MLXIP: variants seen among roughly 807,000 people sequenced by gnomAD.
MLXIP encodes the protein MLX interacting protein.
In MLXIP, 30 loss-of-function variants were observed where a neutral mutation model predicts 87.2. The observed-to-expected ratio is 0.34, with a 90% CI of 0.26 to 0.47. MLXIP has a LOEUF of 0.47. MLXIP is among the 20% of genes least tolerant of loss of function. The probability of loss-of-function intolerance (pLI) is 1.00; values close to 1 mark genes in which losing one functional copy is unlikely to be tolerated. For synonymous variants in MLXIP, 530 were observed against 514.0 expected (o/e 1.03, Z -0.42); for missense variants, 1,002 against 1,240.1 (o/e 0.81, Z 2.88).
At chr12:122,080,828 C>T (rs759935657) in intron 1 of MLXIP, among the ~76,000 whole-genome samples, 12 of 152,180 alleles carry the variant, frequency 7.9e-5, no homozygotes, top group Non-Finnish European at 1.5e-4. Flanking sequence ...TGCTATGCCT[C>T]GAGAGAGCCT....
At chr12:122,122,359 G>A (rs1308163125) in intron 1 of MLXIP, among the ~76,000 whole-genome samples, 1 of 151,970 alleles carries the variant, frequency 6.6e-6, no homozygotes, top group Non-Finnish European at 1.5e-5. Context: ...AGGCTCCCTT[G>A]TGGGCTTTGT....
chr12:122,135,872 A>G lies in MLXIP; in HGVS notation c.2032+206A>G, dbSNP rs1448382578. Reference sequence around the variant, plus strand: ...AATGTGGTGGCACTGGCAGGGCAAAAAGTAGTGAACATGTGGCAGTGTAGG... The same window carrying G: ...AATGTGGTGGCACTGGCAGGGCAAAGAGTAGTGAACATGTGGCAGTGTAGG... On this transcript the variant is annotated intron_variant, in intron 11 of 16. Transcript: ENST00000319080. The surrounding 1 kb of genome is among the most constrained non-coding windows in gnomAD (Gnocchi z 5.3). 4.8e-6 allele frequency: 3 copies of G among 620,254 alleles called. No individual in the cohort carries two copies. In the African/African-American group the frequency reaches 5.7e-5, roughly 12 times the overall value. 38.4% of individuals were successfully genotyped at this position (620,254 alleles called of 1,614,324 possible).
intron 15 of MLXIP, chr12:122,140,728 G>A: frequency 1.5e-6 from 1 of 659,518 alleles, no homozygotes; most frequent in Non-Finnish European, 2.7e-6. Flanking sequence ...TGCCTGCTCG[G>A]TGCTTGAGCG....
chr12:122,085,775 T>G (rs1429358313), intron 1 of MLXIP, among the ~76,000 whole-genome samples: 1 of 152,186 alleles, frequency 6.6e-6, no homozygotes, highest in African/African-American at 2.4e-5. Flanking sequence ...GTGCTTTTGC[T>G]GGATGGTGTT....
At chr12:122,101,076 AAACTC>A (rs1203250397) in intron 1 of MLXIP, among the ~76,000 whole-genome samples, 9 of 152,354 alleles carry the variant, frequency 5.9e-5, no homozygotes, top group African/African-American at 2.2e-4. Context: ...GCAAATAAGT[AAACTC>A]AATCAACAGG....
Position 122,129,932 on chromosome 12 carries a change from TTG to T in MLXIP, c.739-5_739-4del, listed in dbSNP as rs769979500. 3.1e-6 allele frequency: 5 copies of T among 1,604,986 alleles called. No individual in the cohort carries two copies. In the East Asian group the frequency reaches 1.1e-4, roughly 36 times the overall value. The stretch of plus-strand genomic sequence containing the variant: ...TGATGCTTCCTCCCCTGTGTTGGTG[TTG>T]TGTTAGGACGATGACATGCTGTATT... On this transcript the variant is annotated splice_polypyrimidine_tract_variant and splice_region_variant and intron_variant, in intron 5 of 16. Coordinates refer to ENST00000319080, the MANE Select transcript of MLXIP (RefSeq NM_014938.6).
intron 15 of MLXIP, among the ~76,000 whole-genome samples, chr12:122,140,277 G>A (rs1339838745): frequency 6.6e-6 from 1 of 152,196 alleles, no homozygotes; most frequent in Non-Finnish European, 1.5e-5. Context: ...CTTTCAGGCA[G>A]ATGGCTCCTG....
At chr12:122,132,647 C>G (rs1953001298) in intron 8 of MLXIP, 9 of 440,218 alleles carry the variant, frequency 2.0e-5, no homozygotes, top group Non-Finnish European at 3.6e-5. Flanking sequence ...TAGCTCTGCT[C>G]CGACTAATTA....
chr12:122,099,191 C>CTTCA, intron 1 of MLXIP, among the ~76,000 whole-genome samples: 1 of 152,208 alleles, frequency 6.6e-6, no homozygotes, highest in Admixed American at 6.5e-5. Flanking sequence ...GAACCATGAT[C>CTTCA]GTGCCACTGC....
intron 14 of MLXIP, 53 bp downstream of exon 14, chr12:122,138,604 C>T (rs1006364381): frequency 1.3e-5 from 21 of 1,570,182 alleles, no homozygotes; most frequent in Admixed American, 1.9e-5. Flanking sequence ...CGATGCAGGG[C>T]CTGCCTCAGA....
chr12:122,095,877 T>A (rs968167722), intron 1 of MLXIP, among the ~76,000 whole-genome samples: 2,815 of 151,966 alleles, frequency 0.019, 50 homozygotes, highest in Admixed American at 0.048. Context: ...TATTATTATT[T>A]TTTTTTGAGA....
At chr12:122,104,054 C>T (rs1424244537) in intron 1 of MLXIP, among the ~76,000 whole-genome samples, 7 of 152,088 alleles carry the variant, frequency 4.6e-5, no homozygotes, top group Non-Finnish European at 1.0e-4. Flanking sequence ...GCATGTGGTA[C>T]CAATTAATAG....
intron 1 of MLXIP, among the ~76,000 whole-genome samples, chr12:122,094,422 G>A (rs1452721599): frequency 2.1e-5 from 3 of 143,700 alleles, no homozygotes; most frequent in Non-Finnish European, 3.1e-5. Context: ...TGTGTGTGGG[G>A]TGTGGGTGTG....
Position 122,144,995 on chromosome 12 carries a change from C to G in MLXIP, c.*3183C>G, listed in dbSNP as rs1316353147. The G allele has an allele frequency of 1.3e-5, 2 of 152,228 alleles. No individual in the cohort carries two copies. The highest frequency in any genetic ancestry group is 4.8e-5 in the African/African-American group (2 of 41,450). 9.4% of individuals were successfully genotyped at this position (152,228 alleles called of 1,614,324 possible). On this transcript the variant is annotated 3_prime_UTR_variant, in exon 17 of 17. Transcript: ENST00000319080. ...TGATAAATTGCCCTGTGCTGTCAGC[C>G]CCTGCACTGCACTGCTGCCTTCCAT...
At chr12:122,109,118 A>T (rs1401220497) in intron 1 of MLXIP, among the ~76,000 whole-genome samples, 1 of 152,174 alleles carries the variant, frequency 6.6e-6, no homozygotes, top group African/African-American at 2.4e-5. Context: ...TTTTTAGTAG[A>T]GATGGGGTTT....
intron 1 of MLXIP, among the ~76,000 whole-genome samples, chr12:122,083,937 G>A (rs1324188943): frequency 2.6e-5 from 4 of 152,102 alleles, no homozygotes; most frequent in Non-Finnish European, 5.9e-5. Flanking sequence ...CTTCTCCTGC[G>A]TTCTTCAGTC....
chr12:122,079,840 G>C (rs1952065974), intron 1 of MLXIP, among the ~76,000 whole-genome samples: 1 of 152,246 alleles, frequency 6.6e-6, no homozygotes, highest in African/African-American at 2.4e-5. Context: ...CCTGGAGGCT[G>C]GCCCCCTTAC....
rs529260584 is a variant in MLXIP at position 122,132,532 on chromosome 12, G to C, written c.1092+149G>C. 2.8e-5 allele frequency: 18 copies of C among 635,086 alleles called. No homozygotes were observed. The East Asian group carries it at 5.0e-4, about 18-fold the overall frequency. The allele number at this position is 635,086 out of a possible 1,614,324, so 39.3% of individuals were successfully genotyped here. Reference sequence around the variant, plus strand: ...TGCTAGACCAGCACTAATGTGCAGAGGCACGATTCCATCCCTCTTTTACAG... The same window carrying C: ...TGCTAGACCAGCACTAATGTGCAGACGCACGATTCCATCCCTCTTTTACAG... On this transcript the variant is annotated intron_variant, in intron 8 of 16. Coordinates refer to ENST00000319080, the MANE Select transcript of MLXIP (RefSeq NM_014938.6).
chr12:122,126,230 T>A (rs998034382), intron 1 of MLXIP, among the ~76,000 whole-genome samples: 2 of 152,162 alleles, frequency 1.3e-5, no homozygotes, highest in East Asian at 3.8e-4. Context: ...TCTGGACTTA[T>A]TGAATGAAGA....
Sources: allele counts gnomAD v4.1 joint callset (sites outside exome capture counted in the v4.1 genomes callset), GRCh38; gene constraint gnomAD v4.1.1; non-coding constraint Gnocchi (gnomAD v3.1); transcripts MANE v1.5; gene names NCBI Gene and HGNC (gene_info 2026-07-23, HGNC 2026-07-21).